SAMD12: variants seen among roughly 807,000 people sequenced by gnomAD.
SAMD12 encodes the protein sterile alpha motif domain-containing protein 12.
In SAMD12, 9 loss-of-function variants were observed where a neutral mutation model predicts 15.0. The ratio of observed to expected loss-of-function variants is 0.60; its 90% confidence interval spans 0.36 to 1.05. The LOEUF (loss-of-function observed/expected upper bound fraction) is 1.05. Ranked by LOEUF, SAMD12 falls within the 50% of genes least tolerant of loss-of-function variation. The probability of loss-of-function intolerance (pLI) is 0.01; values close to 1 mark genes in which losing one functional copy is unlikely to be tolerated. For missense variants in SAMD12, 230 were observed against 234.2 expected (o/e 0.98, Z 0.12); for synonymous variants, 86 against 90.1 (o/e 0.96, Z 0.25).
intron 1 of SAMD12, among the ~76,000 whole-genome samples, chr8:118,584,067 T>G (rs992544531): frequency 6.6e-6 from 1 of 152,226 alleles, no homozygotes. Context: ...TAGTAAATAC[T>G]TGGCATTCAA....
chr8:118,559,610 G>A (rs923851356), intron 2 of SAMD12, among the ~76,000 whole-genome samples: 2 of 152,202 alleles, frequency 1.3e-5, no homozygotes, highest in Non-Finnish European at 2.9e-5. Context: ...AGAACTAGAG[G>A]TGGGGACATA....
At chr8:118,428,640 T>C (rs1407649437) in intron 3 of SAMD12, among the ~76,000 whole-genome samples, 2 of 152,182 alleles carry the variant, frequency 1.3e-5, no homozygotes, top group Admixed American at 6.5e-5. Flanking sequence ...AGTTCACTTA[T>C]CTTACTAAAT....
chr8:118,180,641 T>G, the SAMD12 span, among the ~76,000 whole-genome samples: 1 of 152,086 alleles, frequency 6.6e-6, no homozygotes, highest in Admixed American at 6.6e-5. Flanking sequence ...GGTGTGATGC[T>G]GGCTCACTGC....
chr8:118,269,723 A>G (rs185549490), intron 4 of SAMD12, among the ~76,000 whole-genome samples: 1 of 152,302 alleles, frequency 6.6e-6, no homozygotes, highest in East Asian at 1.9e-4. Context: ...TATTGACCCC[A>G]ATACTCTGGT....
intron 4 of SAMD12, among the ~76,000 whole-genome samples, chr8:118,219,407 G>T (rs1812034913): frequency 6.6e-6 from 1 of 152,130 alleles, no homozygotes; most frequent in Non-Finnish European, 1.5e-5. Context: ...ATTCCATCTA[G>T]GTTATAAATC....
chr8:118,554,117 C>G (rs893612864), intron 2 of SAMD12, among the ~76,000 whole-genome samples: 9 of 151,908 alleles, frequency 5.9e-5, no homozygotes, highest in African/African-American at 2.2e-4. Flanking sequence ...TTGTGGAAGT[C>G]AGTGTGGTGA....
chr8:118,344,359 A>G (rs1817523566), intron 4 of SAMD12, among the ~76,000 whole-genome samples: 1 of 152,252 alleles, frequency 6.6e-6, no homozygotes, highest in Non-Finnish European at 1.5e-5. Flanking sequence ...TAAGAATTAC[A>G]GCTACCTTCT....
chr8:118,224,116 T>C (rs969526675), intron 4 of SAMD12, among the ~76,000 whole-genome samples: 5 of 152,094 alleles, frequency 3.3e-5, no homozygotes, highest in African/African-American at 1.2e-4. Flanking sequence ...ATAAGGAAAT[T>C]GTATGTTGGA....
chr8:118,211,810 CTTCA>C (rs1336648627), intron 4 of SAMD12, among the ~76,000 whole-genome samples: 2 of 152,144 alleles, frequency 1.3e-5, no homozygotes, highest in Non-Finnish European at 2.9e-5. Context: ...TACAACAGCA[CTTCA>C]TTCATATTTT....
intron 2 of SAMD12, among the ~76,000 whole-genome samples, chr8:118,529,419 G>A (rs1825623191): frequency 6.6e-6 from 1 of 152,122 alleles, no homozygotes; most frequent in Non-Finnish European, 1.5e-5. Context: ...GACATTTAGG[G>A]GATACAAGTG....
At chr8:118,561,414 C>G (rs1015813138) in intron 2 of SAMD12, among the ~76,000 whole-genome samples, 1 of 152,140 alleles carries the variant, frequency 6.6e-6, no homozygotes, top group Non-Finnish European at 1.5e-5. Context: ...TGTCCATTCT[C>G]ATATTCTCAT....
intron 2 of SAMD12, among the ~76,000 whole-genome samples, chr8:118,565,299 C>A (rs1034960331): frequency 1.5e-4 from 23 of 152,232 alleles, no homozygotes; most frequent in African/African-American, 5.3e-4. Flanking sequence ...GGAACAGGAT[C>A]AAAAATTAGA....
downstream of SAMD12, among the ~76,000 whole-genome samples, chr8:118,187,853 G>A (rs1473935159): frequency 6.6e-6 from 1 of 152,162 alleles, no homozygotes; most frequent in Non-Finnish European, 1.5e-5. Flanking sequence ...TCAGTAGGCA[G>A]AAGGAATATA....
intron 4 of SAMD12, among the ~76,000 whole-genome samples, chr8:118,208,854 T>C (rs542473866): frequency 2.6e-5 from 4 of 152,284 alleles, no homozygotes; most frequent in South Asian, 4.1e-4. Context: ...CTTCAAATCC[T>C]TTCACCCATA....
At chr8:118,188,739 A>G (rs11562747), downstream of SAMD12, among the ~76,000 whole-genome samples, 8,272 of 152,104 alleles carry the variant, frequency 0.054, 465 homozygotes, top group African/African-American at 0.14. Context: ...AAAATGGTCA[A>G]TTTTTTATAT....
intron 4 of SAMD12, among the ~76,000 whole-genome samples, chr8:118,230,755 C>G (rs943083411): frequency 3.3e-5 from 5 of 152,050 alleles, no homozygotes; most frequent in African/African-American, 1.2e-4. Flanking sequence ...TGCAAATAAA[C>G]TTGAGGTATT....
chr8:118,430,628 G>A (rs1224534854), intron 3 of SAMD12, among the ~76,000 whole-genome samples: 1 of 152,108 alleles, frequency 6.6e-6, no homozygotes, highest in Non-Finnish European at 1.5e-5. Context: ...CTAAAGTGCT[G>A]GGATTACAGG....
At chr8:118,178,052 A>G in the SAMD12 span, among the ~76,000 whole-genome samples, 3 of 152,246 alleles carry the variant, frequency 2.0e-5, no homozygotes, top group South Asian at 6.2e-4. Flanking sequence ...GTCAAACAGC[A>G]GTTTAGTTTT....
chr8:118,402,757 G>T (rs548735760), intron 3 of SAMD12, among the ~76,000 whole-genome samples: 1 of 152,194 alleles, frequency 6.6e-6, no homozygotes, highest in Non-Finnish European at 1.5e-5. Context: ...AAGAACAGAC[G>T]CTGGCATTCA....
Sources: gnomAD v4.1 joint callset for allele counts (sites outside exome capture counted in the v4.1 genomes callset) on GRCh38, gnomAD v4.1.1 for gene constraint, MANE v1.5 for transcripts, NCBI Gene and HGNC (gene_info 2026-07-23, HGNC 2026-07-21) for gene names.